Variants in CAMK2D observed in about 807,000 individuals in gnomAD.
CAMK2D encodes calcium/calmodulin-dependent protein kinase type II subunit delta.
A neutral mutation model predicts 84.0 loss-of-function variants in CAMK2D; 37 were observed. The observed-to-expected ratio is 0.44, with a 90% CI of 0.34 to 0.58. The LOEUF is 0.58. Ranked by LOEUF, CAMK2D falls within the 20% of genes least tolerant of loss-of-function variation. CAMK2D has a pLI of 0.02. For synonymous variants in CAMK2D, 202 were observed against 212.5 expected, an observed-to-expected ratio of 0.95 and a Z score of 0.43; for missense variants, 448 against 652.5, an observed-to-expected ratio of 0.69 and a Z score of 3.41.
chr4:113,683,408 A>G (rs1007564176), intron 2 of CAMK2D, among the ~76,000 whole-genome samples: 1 of 152,226 alleles, frequency 6.6e-6, no homozygotes, highest in Non-Finnish European at 1.5e-5. Flanking sequence ...CAGTTGAATG[A>G]AATCAGCAGA....
chr4:113,561,935 G>A (rs1312945091), intron 4 of CAMK2D, among the ~76,000 whole-genome samples: 2 of 152,134 alleles, frequency 1.3e-5, no homozygotes, highest in Non-Finnish European at 2.9e-5. Flanking sequence ...ATATAGTTGG[G>A]TCTCTGGAAT....
At chr4:113,524,520 T>A (rs1275747418) in intron 8 of CAMK2D, among the ~76,000 whole-genome samples, 3 of 152,236 alleles carry the variant, frequency 2.0e-5, no homozygotes, top group Non-Finnish European at 2.9e-5. Context: ...TAAACCACAT[T>A]TTGTTTAAGC....
chr4:113,617,110 C>T (rs1185599957), intron 3 of CAMK2D, among the ~76,000 whole-genome samples: 1 of 151,972 alleles, frequency 6.6e-6, no homozygotes, highest in Non-Finnish European at 1.5e-5. Context: ...TTTTGTTATT[C>T]TATCTTCCAC....
At chr4:113,527,809 G>C (rs1281056509) in intron 8 of CAMK2D, among the ~76,000 whole-genome samples, 1 of 152,062 alleles carries the variant, frequency 6.6e-6, no homozygotes, top group African/African-American at 2.4e-5. Flanking sequence ...ATAATATGAT[G>C]TTTTGATATT....
intron 4 of CAMK2D, among the ~76,000 whole-genome samples, chr4:113,579,392 G>A (rs1296131259): frequency 6.6e-6 from 1 of 152,170 alleles, no homozygotes; most frequent in Non-Finnish European, 1.5e-5. Flanking sequence ...ATCTCATGTT[G>A]AAATGTGACC....
At chr4:113,730,378 T>G (rs2099562929) in intron 2 of CAMK2D, among the ~76,000 whole-genome samples, 1 of 152,174 alleles carries the variant, frequency 6.6e-6, no homozygotes, top group Non-Finnish European at 1.5e-5. Flanking sequence ...GGCTAGAAAG[T>G]CTCCTGAGAT....
chr4:113,703,643 TA>T (rs147572253), intron 2 of CAMK2D, among the ~76,000 whole-genome samples: 3,012 of 152,276 alleles, frequency 0.02, 115 homozygotes, highest in African/African-American at 0.068. Context: ...TCACCAAACC[TA>T]TAAGAACTTC....
At chr4:113,545,181 A>T (rs940793722) in intron 6 of CAMK2D, among the ~76,000 whole-genome samples, 1 of 152,182 alleles carries the variant, frequency 6.6e-6, no homozygotes, top group Non-Finnish European at 1.5e-5. Flanking sequence ...TGCTGCAGGT[A>T]TTGGCCAGGT....
At chr4:113,759,960 C>T (rs1412531573) in intron 1 of CAMK2D, among the ~76,000 whole-genome samples, 4 of 152,026 alleles carry the variant, frequency 2.6e-5, no homozygotes, top group East Asian at 1.9e-4. Flanking sequence ...GCTGCTCTTC[C>T]GACATATTCT....
At chr4:113,655,674 T>A (rs895172076) in intron 3 of CAMK2D, among the ~76,000 whole-genome samples, 12 of 152,110 alleles carry the variant, frequency 7.9e-5, no homozygotes, top group African/African-American at 2.2e-4. Context: ...CATCATCCCA[T>A]GAACTGCAAA....
chr4:113,744,305 C>T (rs935210036), intron 2 of CAMK2D, among the ~76,000 whole-genome samples: 2 of 152,168 alleles, frequency 1.3e-5, no homozygotes, highest in African/African-American at 2.4e-5. Flanking sequence ...TCTAATGACC[C>T]AATCCTCGTG....
chr4:113,546,858 A>G (rs60653464), intron 6 of CAMK2D, among the ~76,000 whole-genome samples: 8,112 of 152,222 alleles, frequency 0.053, 472 homozygotes, highest in African/African-American at 0.14. Context: ...AAATTAATGA[A>G]AAAGTACTCC....
intron 2 of CAMK2D, 81 bp from the exon 3 acceptor site, chr4:113,661,853 A>G: frequency 1.4e-6 from 1 of 695,206 alleles, no homozygotes; most frequent in South Asian, 1.8e-5. Context: ...AAAATGACAA[A>G]AGGCCTTTGC....
intron 2 of CAMK2D, among the ~76,000 whole-genome samples, chr4:113,739,386 T>C (rs994213204): frequency 2.0e-5 from 3 of 152,130 alleles, no homozygotes; most frequent in Non-Finnish European, 2.9e-5. Flanking sequence ...GCCAGTGTCA[T>C]AGGCTGTGGG....
chr4:113,662,917 T>C (rs939918489), intron 2 of CAMK2D, among the ~76,000 whole-genome samples: 10 of 152,206 alleles, frequency 6.6e-5, no homozygotes, highest in African/African-American at 2.4e-4. Flanking sequence ...ATAATGTATA[T>C]AATGTAGATT....
At position 113,620,368 on chromosome 4, in the gene CAMK2D, A is replaced by C. The variant is rs141150359; in HGVS notation, c.221-11162T>G. On this transcript the variant is annotated intron_variant, in intron 3 of 20. Coordinates refer to ENST00000511664, the MANE Select transcript of CAMK2D (RefSeq NM_001321571.2). ...TTGCAAATATTATGATACTAGACTT[A>C]TTATTGTACAATTAAAGGGAAAAAG... is the stretch of plus-strand genomic sequence containing the variant. Among the ~76,000 whole-genome samples the C allele has an allele frequency of 1.8e-3, 268 of 152,310 alleles. 2 individuals are homozygous for C. Among genetic ancestry groups the C allele is most frequent in the Middle Eastern group, 6.8e-3 (2 of 294 alleles).
chr4:113,590,150 T>C (rs1288458530), intron 4 of CAMK2D, among the ~76,000 whole-genome samples: 4 of 152,168 alleles, frequency 2.6e-5, no homozygotes, highest in Admixed American at 1.3e-4. Flanking sequence ...AATAAGTGAA[T>C]GGATAAATGA....
chr4:113,714,743 A>G (rs1426914465), intron 2 of CAMK2D, among the ~76,000 whole-genome samples: 1 of 152,076 alleles, frequency 6.6e-6, no homozygotes, highest in Non-Finnish European at 1.5e-5. Context: ...AAGCATTTAG[A>G]GCTAGTCATT....
intron 2 of CAMK2D, chr4:113,759,008 A>T (rs2099634867): frequency 5.9e-6 from 1 of 170,106 alleles, no homozygotes; most frequent in African/African-American, 2.4e-5. Flanking sequence ...ATGGTCTAAA[A>T]GTTGTTTTAT....
Sources: gnomAD v4.1 joint callset for allele counts (sites outside exome capture counted in the v4.1 genomes callset) on GRCh38, gnomAD v4.1.1 for gene constraint, MANE v1.5 for transcripts, NCBI Gene and HGNC (gene_info 2026-07-23, HGNC 2026-07-21) for gene names.